ZDHHC2: variants seen among roughly 807,000 people sequenced by gnomAD.
The protein encoded by ZDHHC2 is zDHHC palmitoyltransferase 2, also known as palmitoyltransferase ZDHHC2.
A neutral mutation model predicts 55.6 loss-of-function variants in ZDHHC2; 51 were observed. That is an observed-to-expected ratio of 0.92 (90% CI 0.73 to 1.16). ZDHHC2 has a LOEUF of 1.16. Ranked by LOEUF, ZDHHC2 falls within the 50% of genes most tolerant of loss-of-function variation. The pLI, the probability that ZDHHC2 is intolerant of heterozygous loss-of-function variation, is 0.00. For synonymous variants in ZDHHC2, 199 were observed against 152.9 expected (o/e 1.30, Z -2.22); for missense variants, 491 against 442.4 (o/e 1.11, Z -0.99).
Position 17,205,673 on chromosome 8 carries a change from A to G in ZDHHC2, c.495A>G (p.Gly165=), listed in dbSNP as rs1227454706. The G allele has an allele frequency of 2.5e-6, 4 of 1,604,482 alleles. No homozygotes were observed. Among genetic ancestry groups the G allele is most frequent in the Admixed American group, 1.7e-5 (1 of 57,710 alleles). ...HHCPWVNNCV[G]FSNYKFFLLF... ...TTAACAGGGTGAACAATTGTGTTGG[A>G]TTTTCAAATTATAAGTTCTTTCTCC... Residue 165 remains glycine (G), a synonymous_variant, in exon 7 of 13, where the codon GGA becomes GGG. Transcript: ENST00000262096.
At chr8:17,197,702 T>C (rs1806392024) in intron 5 of ZDHHC2, 51 bp downstream of exon 5, 21 of 1,506,994 alleles carry the variant, frequency 1.4e-5, no homozygotes, top group Non-Finnish European at 1.9e-5. Flanking sequence ...GGTCTTTTTC[T>C]TCATTATGTT....
At chr8:17,211,235 A>C (rs1184219682) in intron 10 of ZDHHC2, among the ~76,000 whole-genome samples, 1 of 152,176 alleles carries the variant, frequency 6.6e-6, no homozygotes, top group Non-Finnish European at 1.5e-5. Context: ...TTTGAGTATA[A>C]CCATTCCTCT....
At chr8:17,162,483 G>T (rs1009601414) in intron 1 of ZDHHC2, among the ~76,000 whole-genome samples, 5 of 152,198 alleles carry the variant, frequency 3.3e-5, no homozygotes, top group Admixed American at 2.6e-4. Flanking sequence ...AAGCTGACGG[G>T]ATGGTTTCTT....
At chr8:17,207,780 C>T (rs1433370092) in intron 7 of ZDHHC2, among the ~76,000 whole-genome samples, 180 bp from the exon 8 acceptor site, 1 of 151,564 alleles carries the variant, frequency 6.6e-6, no homozygotes, top group Non-Finnish European at 1.5e-5. Flanking sequence ...TTCTCGTAAA[C>T]TTTTAACCTG....
chr8:17,194,185 G>T (rs1032958040), intron 3 of ZDHHC2, among the ~76,000 whole-genome samples: 1 of 151,978 alleles, frequency 6.6e-6, no homozygotes, highest in South Asian at 2.1e-4. Context: ...CATTTGGGTT[G>T]GTTCCAAGCC....
intron 10 of ZDHHC2, 136 bp downstream of exon 10, chr8:17,210,616 GA>G (rs1470885817): frequency 1.3e-4 from 89 of 674,152 alleles, no homozygotes; most frequent in Non-Finnish European, 1.9e-4. Context: ...TGAAATGAGG[GA>G]AAAAAGAAAG....
chr8:17,219,628 T>C lies in ZDHHC2; in HGVS notation c.*35-628T>C, dbSNP rs1009940147. On this transcript the variant is annotated intron_variant, in intron 12 of 12. Transcript: ENST00000262096. ...AAAAAGAAAAAAAATTAGCTGGGTGTGGTGGCATGTGCCTGTGGTCCCAGC... is the reference window on the plus strand; with the variant it reads ...AAAAAGAAAAAAAATTAGCTGGGTGCGGTGGCATGTGCCTGTGGTCCCAGC... 5.1e-4 allele frequency among the ~76,000 whole-genome samples: 78 copies of C among 152,084 alleles called. 1 individual carries two copies. Among genetic ancestry groups the C allele is most frequent in the Middle Eastern group, 3.4e-3 (1 of 294 alleles).
chr8:17,217,194 C>T lies in ZDHHC2; in HGVS notation c.1086C>T (p.Thr362=), dbSNP rs1378522106. ...CKAGMSNPAL[T]MENET ...AAGGTATGAGCAATCCTGCATTAACCATGGAAAATGAGACTTAACTCTTCA... is the reference window on the plus strand; with the variant it reads ...AAGGTATGAGCAATCCTGCATTAACTATGGAAAATGAGACTTAACTCTTCA... Residue 362 remains threonine, a synonymous_variant, in exon 12 of 13, where the codon ACC becomes ACT. Coordinates refer to ENST00000262096, the MANE Select transcript of ZDHHC2 (RefSeq NM_016353.5). The T allele has an allele frequency of 1.2e-6, 2 of 1,611,040 alleles. No individual in the cohort carries two copies. Among genetic ancestry groups the T allele is most frequent in the Middle Eastern group, 1.7e-4 (1 of 6,026 alleles).
chr8:17,215,205 AT>A (rs1378183772), intron 10 of ZDHHC2, 31 bp from the exon 11 acceptor site: 7 of 1,522,796 alleles, frequency 4.6e-6, no homozygotes, highest in Non-Finnish European at 6.2e-6. Flanking sequence ...TTAGCTTATG[AT>A]GATTTTGATG....
chr8:17,191,201 C>T (rs1230587581), intron 3 of ZDHHC2, among the ~76,000 whole-genome samples: 6 of 151,696 alleles, frequency 4.0e-5, no homozygotes, highest in African/African-American at 4.8e-5. Flanking sequence ...ACCTCGTGAT[C>T]CGCCCACCTC....
intron 3 of ZDHHC2, among the ~76,000 whole-genome samples, chr8:17,187,116 G>T (rs1408767745): frequency 6.6e-6 from 1 of 152,224 alleles, no homozygotes; most frequent in Non-Finnish European, 1.5e-5. Flanking sequence ...GAAGGGGGGA[G>T]TGTAGCCTTT....
At chr8:17,199,494 T>TCTTTG (rs1554465951) in intron 6 of ZDHHC2, among the ~76,000 whole-genome samples, 3 of 105,502 alleles carry the variant, frequency 2.8e-5, no homozygotes, top group African/African-American at 5.1e-5. Context: ...CTTCTTCTTC[T>TCTTTG]TCTTCTTCTT....
intron 10 of ZDHHC2, among the ~76,000 whole-genome samples, chr8:17,210,784 T>C (rs561191055): frequency 1.3e-5 from 2 of 152,280 alleles, no homozygotes; most frequent in South Asian, 4.1e-4. Context: ...AAGTCAAAAT[T>C]AGCTACCCAC....
chr8:17,204,437 C>G (rs755910111), intron 6 of ZDHHC2, among the ~76,000 whole-genome samples: 1 of 152,188 alleles, frequency 6.6e-6, no homozygotes, highest in Non-Finnish European at 1.5e-5. Context: ...TTCGTTATAC[C>G]GGTTAACCAA....
chr8:17,204,168 A>G (rs1806972496), intron 6 of ZDHHC2, among the ~76,000 whole-genome samples: 1 of 152,230 alleles, frequency 6.6e-6, no homozygotes, highest in South Asian at 2.1e-4. Context: ...ACAAATTACT[A>G]AATCTAATGC....
rs1464748723 is a variant in ZDHHC2, at chr8:17,220,512, C to T, written c.*291C>T. The T allele has an allele frequency of 6.6e-6, 1 of 152,064 alleles. No homozygotes were observed. The highest frequency in any genetic ancestry group is 1.5e-5 in the Non-Finnish European group (1 of 68,006). 9.4% of individuals were successfully genotyped at this position (152,064 alleles called of 1,614,324 possible). A position where few individuals can be genotyped will look rare whatever the true frequency, so the allele number is the denominator to read the frequency against. ...TTCTCCAAAAAACTTGGAATAAATC[C>T]AAGGACCAGTTTTTACCCAAATATA... On this transcript the variant is annotated 3_prime_UTR_variant, in exon 13 of 13. Coordinates refer to ENST00000262096, the MANE Select transcript of ZDHHC2 (RefSeq NM_016353.5).
At position 17,222,443 on chromosome 8, in the gene ZDHHC2, CGAACTT is replaced by C. The variant is rs1313972687; in HGVS notation, c.*2226_*2231del. 1 of 151,608 alleles carries C rather than the reference CGAACTT, an allele frequency of 6.6e-6. No homozygotes were observed. Among genetic ancestry groups the C allele is most frequent in the Non-Finnish European group, 1.5e-5 (1 of 67,718 alleles). The allele number at this position is 151,608 out of a possible 1,614,324, so 9.4% of individuals were successfully genotyped here. ...CTTTAAAAAATTTAATGGCTTAACT[CGAACTT>C]GAAGACACATACTTCAACTGTCCTT... is the stretch of plus-strand genomic sequence containing the variant. On this transcript the variant is annotated 3_prime_UTR_variant, in exon 13 of 13. Coordinates refer to ENST00000262096, the MANE Select transcript of ZDHHC2 (RefSeq NM_016353.5).
intron 12 of ZDHHC2, 28 bp downstream of exon 12, chr8:17,217,274 A>G (rs1807695150): frequency 4.7e-6 from 7 of 1,504,954 alleles, no homozygotes; most frequent in Admixed American, 2.0e-5. Flanking sequence ...TTATTGTTTT[A>G]TATTTTTAAC....
chr8:17,179,157 G>C (rs956688468), intron 1 of ZDHHC2, among the ~76,000 whole-genome samples: 1 of 152,020 alleles, frequency 6.6e-6, no homozygotes, highest in African/African-American at 2.4e-5. Context: ...TCACTGTGTT[G>C]CCCGGGCCAA....
Sources: gnomAD v4.1 joint callset for allele counts (sites outside exome capture counted in the v4.1 genomes callset) on GRCh38, gnomAD v4.1.1 for gene constraint, MANE v1.5 for transcripts, NCBI Gene and HGNC (gene_info 2026-07-23, HGNC 2026-07-21) for gene names.